The following KCNH7 variants were observed in gnomAD, a reference collection of about 807,000 sequenced individuals.
The protein encoded by KCNH7 is voltage-gated inwardly rectifying potassium channel KCNH7.
In KCNH7, 49 loss-of-function variants were observed where a neutral mutation model predicts 120.8. That is an observed-to-expected ratio of 0.41 (90% CI 0.32 to 0.51). The LOEUF is 0.51. Ranked by LOEUF, KCNH7 falls within the 20% of genes least tolerant of loss-of-function variation. The pLI, the probability that KCNH7 is intolerant of heterozygous loss-of-function variation, is 0.38. For missense variants in KCNH7, 1,097 were observed against 1,446.6 expected (o/e 0.76, Z 3.92); for synonymous variants, 547 against 516.1 (o/e 1.06, Z -0.81).
intron 6 of KCNH7, among the ~76,000 whole-genome samples, chr2:162,499,666 G>A (rs963498261): frequency 4.6e-5 from 7 of 152,034 alleles, no homozygotes; most frequent in Non-Finnish European, 8.8e-5. Context: ...ATTTGCTTTG[G>A]AGATTTTTGA....
intron 10 of KCNH7, among the ~76,000 whole-genome samples, chr2:162,399,971 G>A (rs1423136588): frequency 3.3e-5 from 5 of 151,874 alleles, no homozygotes; most frequent in East Asian, 1.9e-4. Context: ...AATCATCGAA[G>A]CATTTACACT....
intron 6 of KCNH7, among the ~76,000 whole-genome samples, chr2:162,458,104 C>T (rs78768288): frequency 4.6e-5 from 6 of 130,886 alleles, no homozygotes; most frequent in African/African-American, 1.4e-4. Context: ...TGGCTATGTG[C>T]GTGTGTGTGT....
At chr2:162,614,379 A>G (rs1195310212) in intron 2 of KCNH7, among the ~76,000 whole-genome samples, 1 of 152,056 alleles carries the variant, frequency 6.6e-6, no homozygotes, top group Non-Finnish European at 1.5e-5. Context: ...TGCTGTATGG[A>G]AAGTCTTAAA....
rs912084697 is a variant in KCNH7 at position 162,481,949 on chromosome 2, TTATC to T, written c.1128+22490_1128+22493del. ...TTATACAGACACATATATACACAGG[TTATC>T]TATCTATCTATCATCTATCTATCTA... On this transcript the variant is annotated intron_variant, in intron 6 of 15. Transcript: ENST00000332142. Among the ~76,000 whole-genome samples, 6 of 148,784 alleles carry T rather than the reference TTATC, an allele frequency of 4.0e-5. No individual in the cohort carries two copies. The South Asian group carries it at 6.4e-4, about 16-fold the overall frequency.
At chr2:162,657,489 T>C (rs533724209) in intron 2 of KCNH7, among the ~76,000 whole-genome samples, 2 of 152,330 alleles carry the variant, frequency 1.3e-5, no homozygotes, top group South Asian at 2.1e-4. Context: ...TTTTCATGGC[T>C]GAAAGCTTTT....
chr2:162,470,669 G>C lies in KCNH7; in HGVS notation c.1129-24226C>G, dbSNP rs537424167. On this transcript the variant is annotated intron_variant, in intron 6 of 15. Coordinates refer to ENST00000332142, the MANE Select transcript of KCNH7 (RefSeq NM_033272.4). ...GCCAGCCGCCCCGTCCGGGAGGTGA[G>C]GGGCGCCTCTGCCCAGCCGCCCCTA... is the stretch of plus-strand genomic sequence containing the variant. Among the ~76,000 whole-genome samples the C allele has an allele frequency of 9.3e-4, 142 of 152,156 alleles. 1 individual carries two copies. The highest frequency in any genetic ancestry group is 1.6e-3 in the Non-Finnish European group (108 of 67,976).
chr2:162,709,333 T>C (rs1166434182), intron 2 of KCNH7, among the ~76,000 whole-genome samples: 1 of 152,126 alleles, frequency 6.6e-6, no homozygotes, highest in Non-Finnish European at 1.5e-5. Context: ...AGTGAAGTGC[T>C]GAGAATCTCT....
chr2:162,798,706 A>AT (rs2105536840), intron 2 of KCNH7, among the ~76,000 whole-genome samples: 1 of 152,152 alleles, frequency 6.6e-6, no homozygotes, highest in South Asian at 2.1e-4. Flanking sequence ...TTTTTAAAAT[A>AT]TTGCCTTAAA....
At chr2:162,468,794 G>A (rs529982331) in intron 6 of KCNH7, among the ~76,000 whole-genome samples, 23 of 151,320 alleles carry the variant, frequency 1.5e-4, no homozygotes, top group South Asian at 4.2e-4. Context: ...TGATCCGCCC[G>A]CCTAGGCCTC....
intron 2 of KCNH7, among the ~76,000 whole-genome samples, chr2:162,698,325 T>C (rs1476179592): frequency 3.9e-5 from 6 of 152,142 alleles, no homozygotes; most frequent in Non-Finnish European, 7.4e-5. Flanking sequence ...TGACAACTTA[T>C]AAGCACTAAA....
At chr2:162,549,962 G>C (rs2105854794) in intron 2 of KCNH7, among the ~76,000 whole-genome samples, 1 of 152,292 alleles carries the variant, frequency 6.6e-6, no homozygotes. Context: ...AGACGCTGCT[G>C]CTTCTCAGAA....
At chr2:162,829,562 TG>T (rs1331102054) in intron 2 of KCNH7, among the ~76,000 whole-genome samples, 1 of 152,132 alleles carries the variant, frequency 6.6e-6, no homozygotes, top group African/African-American at 2.4e-5. Context: ...GGTAAGTCAT[TG>T]GTGGGGTAGC....
chr2:162,552,046 CA>C (rs1264519036), intron 2 of KCNH7, among the ~76,000 whole-genome samples: 1 of 152,038 alleles, frequency 6.6e-6, no homozygotes, highest in Non-Finnish European at 1.5e-5. Context: ...AGAAATAAAA[CA>C]AAGGACAGAA....
At chr2:162,478,746 G>A (rs1272685607) in intron 6 of KCNH7, among the ~76,000 whole-genome samples, 2 of 152,094 alleles carry the variant, frequency 1.3e-5, no homozygotes, top group Non-Finnish European at 2.9e-5. Context: ...TAAAGCCATA[G>A]AATCATGATT....
chr2:162,791,671 A>T (rs1292861606), intron 2 of KCNH7, among the ~76,000 whole-genome samples: 8 of 152,090 alleles, frequency 5.3e-5, no homozygotes, highest in Admixed American at 3.9e-4. Flanking sequence ...CAGCTTAAGA[A>T]GCTTTTGGGC....
chr2:162,572,217 C>T (rs1390017729), intron 2 of KCNH7, among the ~76,000 whole-genome samples: 7 of 151,762 alleles, frequency 4.6e-5, no homozygotes, highest in Admixed American at 4.6e-4. Flanking sequence ...ATAAACAACC[C>T]CATCAAAAAG....
At chr2:162,663,222 C>A (rs1424194679) in intron 2 of KCNH7, among the ~76,000 whole-genome samples, 1 of 152,190 alleles carries the variant, frequency 6.6e-6, no homozygotes, top group Non-Finnish European at 1.5e-5. Flanking sequence ...AGAGTAGGCA[C>A]ATGGCAGACG....
At chr2:162,433,863 C>G (rs1688151291) in intron 8 of KCNH7, among the ~76,000 whole-genome samples, 1 of 152,026 alleles carries the variant, frequency 6.6e-6, no homozygotes. Flanking sequence ...TTCGACCCAA[C>G]AATTCCATTA....
rs559154389 is a variant in KCNH7 at position 162,430,301 on chromosome 2, T to C, written c.1954+4897A>G. On this transcript the variant is annotated intron_variant, in intron 8 of 15. Transcript: ENST00000332142. The stretch of plus-strand genomic sequence containing the variant: ...TTTAGCTTATAGTACTTCTGGAATT[T>C]CTTTGCTGGGTTTTTGGGAGTTTTA... Among the ~76,000 whole-genome samples, 63 of 152,218 alleles carry C rather than the reference T, an allele frequency of 4.1e-4. 1 individual carries two copies. In the South Asian group the frequency reaches 0.013, roughly 32 times the overall value.
Sources: allele counts gnomAD v4.1 joint callset (sites outside exome capture counted in the v4.1 genomes callset), GRCh38; gene constraint gnomAD v4.1.1; transcripts MANE v1.5; gene names NCBI Gene and HGNC (gene_info 2026-07-23, HGNC 2026-07-21).